Variants in GPC6 observed in about 807,000 individuals in gnomAD.
GPC6 encodes the protein glypican 6, also known as glypican-6.
Under a neutral mutation model 55.2 loss-of-function variants are expected in GPC6, and 14 were observed. The observed-to-expected ratio is 0.25, with a 90% CI of 0.17 to 0.40. The LOEUF is 0.40. GPC6 is among the 10% of genes least tolerant of loss of function. The pLI is 1.00. For synonymous variants in GPC6, 278 were observed against 259.6 expected (o/e 1.07, Z -0.68); for missense variants, 641 against 708.5 (o/e 0.90, Z 1.08).
At chr13:94,130,230 A>G (rs1328353191) in intron 4 of GPC6, among the ~76,000 whole-genome samples, 2 of 152,130 alleles carry the variant, frequency 1.3e-5, no homozygotes, top group African/African-American at 4.8e-5. Context: ...TACTATCCAA[A>G]TTAACTTTTT....
At chr13:93,675,126 G>C (rs775817624) in intron 2 of GPC6, among the ~76,000 whole-genome samples, 2 of 152,074 alleles carry the variant, frequency 1.3e-5, no homozygotes, top group African/African-American at 4.8e-5. Context: ...CTTTGAACAA[G>C]TGCAGTGTAC....
At chr13:93,931,765 GAAAAA>G (rs545578327) in intron 3 of GPC6, among the ~76,000 whole-genome samples, 1 of 49,712 alleles carries the variant, frequency 2.0e-5, no homozygotes, top group African/African-American at 6.8e-5. Flanking sequence ...CTCTGTCTCA[GAAAAA>G]AAAAAAAAAA....
chr13:93,225,891 A>G (rs1469153593), upstream of GPC6, among the ~76,000 whole-genome samples: 2 of 152,120 alleles, frequency 1.3e-5, no homozygotes, highest in African/African-American at 4.8e-5. Flanking sequence ...CACTATTATT[A>G]TTATTATTTT....
At chr13:94,170,632 C>T (rs1888532384) in intron 4 of GPC6, among the ~76,000 whole-genome samples, 1 of 152,204 alleles carries the variant, frequency 6.6e-6, no homozygotes, top group Admixed American at 6.5e-5. Flanking sequence ...TCTTTGCTAT[C>T]CTCAAAATCA....
intron 2 of GPC6, among the ~76,000 whole-genome samples, chr13:93,596,929 A>G (rs1248480474): frequency 2.7e-5 from 4 of 149,062 alleles, no homozygotes; most frequent in African/African-American, 9.8e-5. Flanking sequence ...AGACCCAGGA[A>G]AGCTGATGGT....
chr13:93,833,961 A>C (rs369232601), intron 3 of GPC6, among the ~76,000 whole-genome samples: 23 of 152,272 alleles, frequency 1.5e-4, no homozygotes, highest in African/African-American at 5.5e-4. Flanking sequence ...TCAGCCAGCC[A>C]GGATTCATTT....
chr13:93,372,926 A>G (rs866271370), intron 1 of GPC6, among the ~76,000 whole-genome samples: 1 of 152,324 alleles, frequency 6.6e-6, no homozygotes, highest in Middle Eastern at 3.4e-3. Flanking sequence ...GTGACCAGAC[A>G]GATGGGTGAC....
At chr13:94,372,253 C>A (rs532089426) in intron 6 of GPC6, among the ~76,000 whole-genome samples, 1 of 152,178 alleles carries the variant, frequency 6.6e-6, no homozygotes, top group South Asian at 2.1e-4. Context: ...CAGCTCCCAG[C>A]GTGAGTGACG....
intron 4 of GPC6, among the ~76,000 whole-genome samples, chr13:94,269,633 C>T (rs1168433757): frequency 6.6e-6 from 1 of 152,200 alleles, no homozygotes; most frequent in South Asian, 2.1e-4. Context: ...TCATTTGTCT[C>T]GACCACCTGC....
chr13:93,548,290 C>G (rs986516433), intron 2 of GPC6, among the ~76,000 whole-genome samples: 17 of 152,160 alleles, frequency 1.1e-4, no homozygotes, highest in African/African-American at 4.1e-4. Context: ...TGGCTATATA[C>G]TGTTTATGAA....
chr13:94,351,418 G>C (rs2139168691), intron 6 of GPC6, among the ~76,000 whole-genome samples: 1 of 152,084 alleles, frequency 6.6e-6, no homozygotes, highest in Non-Finnish European at 1.5e-5. Flanking sequence ...GAAAGAGACT[G>C]GTTTTCTAGT....
intron 3 of GPC6, among the ~76,000 whole-genome samples, chr13:93,998,455 G>C (rs1218666749): frequency 1.3e-5 from 2 of 152,244 alleles, no homozygotes; most frequent in African/African-American, 2.4e-5. Flanking sequence ...TCTAGCAAAA[G>C]CTTTAAGGTA....
chr13:93,662,837 G>GA (rs975759950), intron 2 of GPC6, among the ~76,000 whole-genome samples: 2 of 151,466 alleles, frequency 1.3e-5, no homozygotes, highest in East Asian at 1.9e-4. Context: ...CAATGAAATA[G>GA]AAAAAAAATT....
chr13:93,823,691 A>T (rs528104343), intron 2 of GPC6, among the ~76,000 whole-genome samples: 1 of 152,260 alleles, frequency 6.6e-6, no homozygotes, highest in Non-Finnish European at 1.5e-5. Context: ...TTGCCATATT[A>T]CTGGCATTTT....
At chr13:93,281,216 T>C (rs1877938641) in intron 1 of GPC6, among the ~76,000 whole-genome samples, 1 of 152,180 alleles carries the variant, frequency 6.6e-6, no homozygotes, top group Non-Finnish European at 1.5e-5. Context: ...GGATAACAGA[T>C]TAAAGTTGCT....
chr13:93,462,011 A>G (rs1731465427), intron 1 of GPC6, among the ~76,000 whole-genome samples: 2 of 152,172 alleles, frequency 1.3e-5, no homozygotes, highest in Admixed American at 6.6e-5. Context: ...CCCACAAGCC[A>G]TGCCATCTTA....
At chr13:93,446,971 T>G (rs1878030318) in intron 1 of GPC6, among the ~76,000 whole-genome samples, 2 of 148,722 alleles carry the variant, frequency 1.3e-5, no homozygotes, top group African/African-American at 5.0e-5. Flanking sequence ...TTTGGGGGGG[T>G]GGGTGGTGGT....
intron 3 of GPC6, among the ~76,000 whole-genome samples, chr13:93,962,007 A>G (rs1319755235): frequency 6.6e-6 from 1 of 152,198 alleles, no homozygotes; most frequent in Non-Finnish European, 1.5e-5. Flanking sequence ...CATGTTACAT[A>G]AATCATTCCT....
intron 3 of GPC6, among the ~76,000 whole-genome samples, chr13:93,905,676 A>T (rs1284842233): frequency 6.6e-6 from 1 of 152,202 alleles, no homozygotes; most frequent in Non-Finnish European, 1.5e-5. Flanking sequence ...AGTCTGGCAA[A>T]AGCAAATAAA....
Sources: gnomAD v4.1 joint callset for allele counts (sites outside exome capture counted in the v4.1 genomes callset) on GRCh38, gnomAD v4.1.1 for gene constraint, MANE v1.5 for transcripts, NCBI Gene and HGNC (gene_info 2026-07-23, HGNC 2026-07-21) for gene names.